The following UGT1A6 variants were observed in gnomAD, a reference collection of about 807,000 sequenced individuals.
The protein encoded by UGT1A6 is UDP glucuronosyltransferase family 1 member A6.
A neutral mutation model predicts 44.4 loss-of-function variants in UGT1A6; 32 were observed. That is an observed-to-expected ratio of 0.72 (90% confidence interval 0.54 to 0.97). The LOEUF (loss-of-function observed/expected upper bound fraction) is 0.97. UGT1A6 is among the 50% of genes least tolerant of loss of function. The probability of loss-of-function intolerance (pLI) is 0.00; values close to 1 mark genes in which losing one functional copy is unlikely to be tolerated. For missense variants in UGT1A6, 685 were observed against 661.9 expected, an observed-to-expected ratio of 1.03 and a Z score of -0.38; for synonymous variants, 238 against 248.5, an observed-to-expected ratio of 0.96 and a Z score of 0.40.
chr2:233,743,267 C>T (rs1692250223), intron 1 of UGT1A6: 1 of 463,686 alleles, frequency 2.2e-6, no homozygotes, highest in Non-Finnish European at 4.0e-6. Flanking sequence ...TCTTCCTCCA[C>T]TTCCACCCTT....
At chr2:233,720,267 C>T (rs1380272478) in intron 1 of UGT1A6, among the ~76,000 whole-genome samples, 2 of 152,012 alleles carry the variant, frequency 1.3e-5, no homozygotes, top group African/African-American at 4.8e-5. Context: ...AGGGATCTGT[C>T]CTGAGAAAAG....
chr2:233,698,542 G>A (rs1205861943), intron 1 of UGT1A6, among the ~76,000 whole-genome samples: 1 of 152,168 alleles, frequency 6.6e-6, no homozygotes, highest in Non-Finnish European at 1.5e-5. Flanking sequence ...CAGAACACGA[G>A]TGGCCAACAA....
chr2:233,743,660 G>A (rs1409299533), intron 1 of UGT1A6: 4 of 1,367,142 alleles, frequency 2.9e-6, no homozygotes, highest in East Asian at 4.5e-5. Context: ...GTACTCGAAG[G>A]GGTCCTCGAA....
chr2:233,753,461 T>C (rs1419895967), intron 1 of UGT1A6: 1 of 152,272 alleles, frequency 6.6e-6, no homozygotes, highest in Non-Finnish European at 1.5e-5. Context: ...ATGATTTTTC[T>C]GTAAAAAATT....
At chr2:233,734,118 T>A (rs2078484158) in intron 1 of UGT1A6, among the ~76,000 whole-genome samples, 1 of 152,034 alleles carries the variant, frequency 6.6e-6, no homozygotes, top group Non-Finnish European at 1.5e-5. Context: ...ATAATAATAA[T>A]AATAAAAAGA....
chr2:233,754,548 G>A (rs760098781), intron 1 of UGT1A6: 6 of 380,460 alleles, frequency 1.6e-5, no homozygotes, highest in African/African-American at 2.1e-5. Context: ...GGAATTACTT[G>A]GTGTCAATGG....
intron 1 of UGT1A6, chr2:233,713,817 A>C: frequency 1.2e-6 from 2 of 1,614,092 alleles, no homozygotes; most frequent in East Asian, 2.2e-5. Flanking sequence ...CATGGTCTTC[A>C]TTGGGGGCAT....
At chr2:233,718,658 G>A (rs3732218) in intron 1 of UGT1A6, 145,084 of 1,529,416 alleles carry the variant, frequency 0.095, 7,812 homozygotes, top group South Asian at 0.19. Flanking sequence ...ACGAAAGGCA[G>A]TTATAGATTA....
intron 1 of UGT1A6, among the ~76,000 whole-genome samples, chr2:233,757,174 C>T (rs1696427708): frequency 6.6e-6 from 1 of 151,088 alleles, no homozygotes; most frequent in Non-Finnish European, 1.5e-5. Context: ...GTTTTGAGAG[C>T]AAGGCAGAGG....
chr2:233,729,730 T>G (rs1164529541), intron 1 of UGT1A6: 2 of 1,613,840 alleles, frequency 1.2e-6, no homozygotes, highest in Non-Finnish European at 1.7e-6. Flanking sequence ...AACAACCAAT[T>G]CAGACCACAT....
At chr2:233,719,656 T>G in intron 1 of UGT1A6, 1 of 1,614,106 alleles carries the variant, frequency 6.2e-7, no homozygotes, top group Non-Finnish European at 8.5e-7. Flanking sequence ...ATTGGGGGCA[T>G]CAACTGTGCC....
rs772582251 is a variant in UGT1A6 at position 233,693,716 on chromosome 2, AAG to A, written c.718_719del (p.Asp240CysfsTer18). ...KYEELASAVLKRDVDIITLYQ... is the reference protein window; with the variant it reads ...KYEELASAVLXRDVDIITLYQ... ...TGAAGAACTCGCATCAGCTGTCCTC[AAG>A]AGAGATGTGGATATAATCACCTTAT... On this transcript the variant is annotated frameshift_variant, in exon 1 of 5. Coordinates refer to ENST00000305139, the MANE Select transcript of UGT1A6 (RefSeq NM_001072.4). LOFTEE classifies it high-confidence loss of function. 1 of 1,614,204 alleles carries A rather than the reference AAG, an allele frequency of 6.2e-7. No homozygotes were observed. The highest frequency in any genetic ancestry group is 8.5e-7 in the Non-Finnish European group (1 of 1,180,034).
At chr2:233,717,440 C>T (rs1261238198) in intron 1 of UGT1A6, among the ~76,000 whole-genome samples, 1 of 152,238 alleles carries the variant, frequency 6.6e-6, no homozygotes, top group Non-Finnish European at 1.5e-5. Flanking sequence ...CTGATGGACG[C>T]ATCCATTCAC....
At position 233,701,259 on chromosome 2, in the gene UGT1A6, G is replaced by A. The variant is rs1386323387; in HGVS notation, c.861+7394G>A. ...CAGTAATGAGATGGCTGGGTCAAAT[G>A]GTATTTCTAGTTCTAGATCCTTGAG... On this transcript the variant is annotated intron_variant, in intron 1 of 4. Coordinates refer to ENST00000305139, the MANE Select transcript of UGT1A6 (RefSeq NM_001072.4). 3.3e-5 allele frequency among the ~76,000 whole-genome samples: 5 copies of A among 152,008 alleles called. No homozygotes were observed. In the East Asian group the frequency reaches 5.8e-4, roughly 18 times the overall value.
chr2:233,752,430 A>C (rs1694969387), intron 1 of UGT1A6: 2 of 152,050 alleles, frequency 1.3e-5, no homozygotes, highest in African/African-American at 4.8e-5. Context: ...GATTTATCGA[A>C]CCCTTTTATA....
chr2:233,763,738 G>A (rs1302450820), intron 1 of UGT1A6, among the ~76,000 whole-genome samples: 6 of 152,164 alleles, frequency 3.9e-5, no homozygotes, highest in Non-Finnish European at 8.8e-5. Flanking sequence ...TGGCATTGGC[G>A]TGTCTTTGGT....
chr2:233,743,059 A>T (rs1424842143), intron 1 of UGT1A6: 1 of 324,044 alleles, frequency 3.1e-6, no homozygotes, highest in Non-Finnish European at 6.0e-6. Context: ...CCCAACGATA[A>T]GAACAGGTGT....
intron 1 of UGT1A6, chr2:233,718,713 C>T (rs2076677661): frequency 2.5e-6 from 4 of 1,607,198 alleles, no homozygotes; most frequent in Non-Finnish European, 1.7e-6. Context: ...CTTCCAATTA[C>T]ATGCTGATTT....
chr2:233,721,794 C>T, intron 1 of UGT1A6: 1 of 512,964 alleles, frequency 1.9e-6, no homozygotes, highest in Non-Finnish European at 3.9e-6. Flanking sequence ...CATTTTAAAG[C>T]ACATGCAGCA....
Sources: allele counts gnomAD v4.1 joint callset (sites outside exome capture counted in the v4.1 genomes callset), GRCh38; gene constraint gnomAD v4.1.1; transcripts MANE v1.5; gene names NCBI Gene and HGNC (gene_info 2026-07-23, HGNC 2026-07-21).